Variants in CIT observed in about 807,000 individuals in gnomAD.
CIT encodes the protein citron Rho-interacting kinase.
Under a neutral mutation model 272.7 loss-of-function variants are expected in CIT, and 79 were observed. That is an observed-to-expected ratio of 0.29 (90% CI 0.24 to 0.35). The LOEUF is 0.35. CIT is among the 10% of genes least tolerant of loss of function. The pLI is 1.00. For missense variants in CIT, 1,909 were observed against 2,618.3 expected, an observed-to-expected ratio of 0.73 and a Z score of 5.91; for synonymous variants, 948 against 995.6, an observed-to-expected ratio of 0.95 and a Z score of 0.90.
chr12:119,707,570 C>T (rs946601060), intron 40 of CIT, among the ~76,000 whole-genome samples: 1 of 151,898 alleles, frequency 6.6e-6, no homozygotes, highest in African/African-American at 2.4e-5. Flanking sequence ...GGCGCAATCT[C>T]GGCTCACTGC....
intron 44 of CIT, among the ~76,000 whole-genome samples, chr12:119,700,381 GTTTT>G (rs1223230907): frequency 1.3e-5 from 2 of 151,796 alleles, no homozygotes; most frequent in Admixed American, 6.6e-5. Flanking sequence ...TGCAATTGCG[GTTTT>G]TTTTGTTGTT....
chr12:119,742,293 C>A, intron 24 of CIT, 118 bp downstream of exon 24: 1 of 684,034 alleles, frequency 1.5e-6, no homozygotes, highest in Non-Finnish European at 2.3e-6. Flanking sequence ...GCATTATCTT[C>A]TTCAAGCTGC....
At chr12:119,813,484 A>C (rs1966881287) in intron 9 of CIT, among the ~76,000 whole-genome samples, 4 of 152,150 alleles carry the variant, frequency 2.6e-5, no homozygotes, top group African/African-American at 7.2e-5. Context: ...AACTGCAATC[A>C]CCACACTCAT....
intron 44 of CIT, among the ~76,000 whole-genome samples, chr12:119,698,768 A>G (rs7297487): frequency 0.12 from 17,665 of 152,138 alleles, 2,675 homozygotes; most frequent in African/African-American, 0.35. Context: ...AAAAAGCTGG[A>G]AAAAAGAATA....
chr12:119,818,504 G>GC, intron 9 of CIT, among the ~76,000 whole-genome samples: 1 of 152,278 alleles, frequency 6.6e-6, no homozygotes, highest in South Asian at 2.1e-4. Flanking sequence ...TAGCAAATAA[G>GC]CAGCAACAAT....
At chr12:119,722,395 CCTATGGCAG>C (rs1198980843) in intron 28 of CIT, among the ~76,000 whole-genome samples, 1 of 152,178 alleles carries the variant, frequency 6.6e-6, no homozygotes, top group Admixed American at 6.5e-5. Context: ...TTCCAAAAGG[CCTATGGCAG>C]CCCCCAAACT....
chr12:119,856,078 C>T (rs1423368355), intron 4 of CIT, among the ~76,000 whole-genome samples: 2 of 152,170 alleles, frequency 1.3e-5, no homozygotes, highest in East Asian at 3.9e-4. Flanking sequence ...TATTGCTAAA[C>T]AAAGAAGCCA....
intron 7 of CIT, among the ~76,000 whole-genome samples, chr12:119,830,048 T>C (rs1255006579): frequency 6.6e-6 from 1 of 151,300 alleles, no homozygotes; most frequent in Non-Finnish European, 1.5e-5. Flanking sequence ...GAAATATGTT[T>C]AACCCAAAAC....
chr12:119,803,858 C>T (rs540870378), intron 9 of CIT, among the ~76,000 whole-genome samples: 38 of 152,170 alleles, frequency 2.5e-4, no homozygotes, highest in African/African-American at 8.2e-4. Context: ...TTCTACATTT[C>T]GTGGATTAAC....
At chr12:119,836,401 C>A (rs569281233) in intron 5 of CIT, among the ~76,000 whole-genome samples, 8 of 151,358 alleles carry the variant, frequency 5.3e-5, no homozygotes, top group African/African-American at 1.7e-4. Context: ...ATTAGTTACT[C>A]ACCCCAGTCC....
chr12:119,843,749 G>A (rs1421470228), intron 5 of CIT, among the ~76,000 whole-genome samples: 2 of 151,998 alleles, frequency 1.3e-5, no homozygotes, highest in African/African-American at 2.4e-5. Flanking sequence ...GGCAGAGGTT[G>A]CAGTGAGCCA....
In CIT at chr12:119,690,253, G is replaced by C; in HGVS notation, c.6084C>G (p.Leu2028=). The part of the protein sequence containing the change: ...LEREKSPGRM[L]STRRERSPGR... ...CGGGGGACCGCTCTCTCCGCGTGCT[G>C]AGCATCCGGCCGGGGGACTTCTCTC... Residue 2028 remains leucine (L), a synonymous_variant, in exon 47 of 48, where the codon CTC becomes CTG. Transcript: ENST00000392521. This position sits in a 1 kb window ranked among gnomAD's most constrained non-coding sequence, Gnocchi z 6.0. 2 of 1,568,568 alleles carry C rather than the reference G, an allele frequency of 1.3e-6. No homozygotes were observed. Among genetic ancestry groups the C allele is most frequent in the Non-Finnish European group, 1.7e-6 (2 of 1,167,962 alleles).
rs901602725 is a variant in CIT, at chr12:119,688,036, C to T, written c.*196G>A. On this transcript the variant is annotated 3_prime_UTR_variant, in exon 48 of 48. Transcript: ENST00000392521. ...GGAGGTGCCCAGGGCAGGCACCGGG[C>T]GCTGACAGCTCCGAAGAGCCTCAGC... 10 of 625,002 alleles carry T rather than the reference C, an allele frequency of 1.6e-5. No individual in the cohort carries two copies. The highest frequency in any genetic ancestry group is 2.8e-5 in the Admixed American group (1 of 35,122). 38.7% of individuals were successfully genotyped at this position (625,002 alleles called of 1,614,324 possible).
chr12:119,785,865 C>T (rs1034240066), intron 10 of CIT, among the ~76,000 whole-genome samples: 3 of 152,120 alleles, frequency 2.0e-5, no homozygotes, highest in Non-Finnish European at 2.9e-5. Context: ...CAGGCTTGAG[C>T]CACCAAGCCT....
intron 4 of CIT, among the ~76,000 whole-genome samples, chr12:119,854,649 G>A (rs75871844): frequency 5.3e-5 from 8 of 149,660 alleles, no homozygotes; most frequent in African/African-American, 2.0e-4. Context: ...ATAAAACAAT[G>A]TTTTTAAAAT....
chr12:119,758,587 T>C lies in CIT; in HGVS notation c.2531+4A>G, dbSNP rs1053974167. On this transcript the variant is annotated splice_donor_region_variant and intron_variant, in intron 21 of 47. Transcript: ENST00000392521. ...TGTAGGGCAGTTAGAATTTGAATAC[T>C]TACATGTTCCTTTGGGTAAAAAGAC... 1.9e-6 allele frequency: 3 copies of C among 1,586,900 alleles called. No homozygotes were observed. The highest frequency in any genetic ancestry group is 3.3e-5 in the Admixed American group (2 of 59,992).
At chr12:119,822,648 C>T (rs1251799218) in intron 9 of CIT, among the ~76,000 whole-genome samples, 172 bp downstream of exon 9, 1 of 152,196 alleles carries the variant, frequency 6.6e-6, no homozygotes, top group East Asian at 1.9e-4. Context: ...AATTTTAAGG[C>T]AGAATTATTA....
chr12:119,699,037 C>T (rs571216378), intron 44 of CIT, among the ~76,000 whole-genome samples: 13 of 152,068 alleles, frequency 8.5e-5, no homozygotes, highest in Admixed American at 5.2e-4. Flanking sequence ...GGTGGATCAC[C>T]TGAGATCAGG....
intron 16 of CIT, 121 bp from the exon 17 acceptor site, chr12:119,773,031 A>AC (rs1491465998): frequency 2.1e-5 from 20 of 932,802 alleles, no homozygotes; most frequent in Non-Finnish European, 2.9e-5. Context: ...AAAAAAAAAA[A>AC]GATAGTGACA....
Sources: allele counts gnomAD v4.1 joint callset (sites outside exome capture counted in the v4.1 genomes callset), GRCh38; gene constraint gnomAD v4.1.1; non-coding constraint Gnocchi (gnomAD v3.1); transcripts MANE v1.5; gene names NCBI Gene and HGNC (gene_info 2026-07-23, HGNC 2026-07-21).